Variants in CD99 observed in about 807,000 individuals in gnomAD.
The protein encoded by CD99 is CD99 antigen.
In CD99, 19 loss-of-function variants were observed where a neutral mutation model predicts 28.4. The ratio of observed to expected loss-of-function variants is 0.67; its 90% CI spans 0.47 to 0.98. CD99 has a LOEUF of 0.98. Ranked by LOEUF, CD99 falls within the 50% of genes least tolerant of loss-of-function variation. The pLI is 0.00. For missense variants in CD99, 283 were observed against 248.8 expected, an observed-to-expected ratio of 1.14 and a Z score of -0.92; for synonymous variants, 103 against 92.1, an observed-to-expected ratio of 1.12 and a Z score of -0.67.
In CD99 at chrX:2,722,479, T is replaced by C. The variant is rs1193324707; in HGVS notation, c.263-148T>C. ...GGGATTACATGTGCCTGTCACCACA[T>C]CCAGCTAATTTTTATATTCTTAGTG... On this transcript the variant is annotated intron_variant, in intron 5 of 9. Coordinates refer to ENST00000381192, the MANE Select transcript of CD99 (RefSeq NM_002414.5). The C allele has an allele frequency of 9.6e-6, 7 of 730,804 alleles. No individual in the cohort carries two copies. The African/African-American group carries it at 1.2e-4, about 13-fold the overall frequency. 45.3% of individuals were successfully genotyped at this position (730,804 alleles called of 1,614,324 possible). A position where few individuals can be genotyped will look rare whatever the true frequency, so the allele number is the denominator to read the frequency against.
intron 2 of CD99, 143 bp from the exon 3 acceptor site, chrX:2,717,462 T>A: frequency 1.5e-6 from 1 of 675,760 alleles, no homozygotes; most frequent in Non-Finnish European, 2.6e-6. Flanking sequence ...AAACCTCAGC[T>A]CGGTGTGGGC....
At chrX:2,714,637 T>C (rs1472040101) in intron 2 of CD99, 183 bp downstream of exon 2, 6 of 515,664 alleles carry the variant, frequency 1.2e-5, no homozygotes, top group African/African-American at 1.9e-5. Flanking sequence ...CTATTAAGTA[T>C]GCAATAGCAT....
chrX:2,728,926 G>A (rs1485133801), intron 8 of CD99, among the ~76,000 whole-genome samples: 4 of 129,874 alleles, frequency 3.1e-5, no homozygotes, highest in Non-Finnish European at 4.7e-5. Flanking sequence ...AACCTCGCGG[G>A]TTCAAGCAAT....
At chrX:2,736,127 T>G (rs1425700723) in intron 8 of CD99, among the ~76,000 whole-genome samples, 10 of 147,916 alleles carry the variant, frequency 6.8e-5, no homozygotes, top group African/African-American at 1.5e-4. Flanking sequence ...GCGTGAACCC[T>G]GGAGGCGGAG....
intron 7 of CD99, among the ~76,000 whole-genome samples, chrX:2,724,819 A>C (rs2049187129): frequency 6.7e-6 from 1 of 150,268 alleles, no homozygotes; most frequent in South Asian, 2.1e-4. Flanking sequence ...AATTGCTTGA[A>C]CCCGGGAAGC....
chrX:2,706,235 C>G (rs2048109486), intron 1 of CD99, among the ~76,000 whole-genome samples: 1 of 152,090 alleles, frequency 6.6e-6, no homozygotes, highest in Admixed American at 6.6e-5. Context: ...TGGTGGGCAC[C>G]TGTAGTCCCA....
At chrX:2,727,657 A>G (rs1431089521) in intron 8 of CD99, among the ~76,000 whole-genome samples, 1 of 152,022 alleles carries the variant, frequency 6.6e-6, no homozygotes, top group Non-Finnish European at 1.5e-5. Flanking sequence ...CTGTATTTTT[A>G]GTAGAGATGG....
chrX:2,706,167 G>C (rs1458259788), intron 1 of CD99, among the ~76,000 whole-genome samples: 1 of 151,964 alleles, frequency 6.6e-6, no homozygotes. Flanking sequence ...AGACCATCCT[G>C]GCTACCACGG....
intron 1 of CD99, among the ~76,000 whole-genome samples, chrX:2,711,130 C>A (rs1249766061): frequency 3.3e-5 from 5 of 150,336 alleles, no homozygotes; most frequent in Admixed American, 3.3e-4. Flanking sequence ...CTTGGCCTCC[C>A]AAAGTGCTGA....
intron 8 of CD99, among the ~76,000 whole-genome samples, chrX:2,732,671 C>T (rs773523469): frequency 1.8e-4 from 25 of 138,268 alleles, no homozygotes; most frequent in Admixed American, 1.6e-3. Flanking sequence ...TCTATCTCTT[C>T]CTTTCTTCCT....
intron 8 of CD99, among the ~76,000 whole-genome samples, chrX:2,731,685 A>T (rs2049616615): frequency 6.6e-6 from 1 of 152,154 alleles, no homozygotes; most frequent in Admixed American, 6.5e-5. Flanking sequence ...ATTGCATTGA[A>T]ATCTGTGGTG....
intron 1 of CD99, among the ~76,000 whole-genome samples, chrX:2,713,623 T>C (rs993423207): frequency 6.6e-6 from 1 of 152,246 alleles, no homozygotes; most frequent in African/African-American, 2.4e-5. Flanking sequence ...GCACCTGTTG[T>C]GGAACTGGAC....
chrX:2,730,199 G>C (rs1569447653), intron 8 of CD99, among the ~76,000 whole-genome samples: 1 of 148,974 alleles, frequency 6.7e-6, no homozygotes, highest in Admixed American at 6.7e-5. Flanking sequence ...TTGAGACGGA[G>C]TCTCACTCTG....
At chrX:2,694,461 C>G (rs1243256264) in intron 1 of CD99, among the ~76,000 whole-genome samples, 4 of 152,044 alleles carry the variant, frequency 2.6e-5, no homozygotes, top group Non-Finnish European at 5.9e-5. Context: ...ATTTAACTCC[C>G]TACTTTAGGC....
At chrX:2,691,789 G>A (rs1219566098) in intron 1 of CD99, 1 of 772,380 alleles carries the variant, frequency 1.3e-6, no homozygotes, top group African/African-American at 1.7e-5. Context: ...TACCCCCAGG[G>A]TTTGGGGACC....
At chrX:2,702,945 C>T (rs190462183) in intron 1 of CD99, among the ~76,000 whole-genome samples, 3 of 152,214 alleles carry the variant, frequency 2.0e-5, no homozygotes, top group Non-Finnish European at 2.9e-5. Context: ...ACAGCCACCA[C>T]GCCTGGCTAA....
intron 8 of CD99, among the ~76,000 whole-genome samples, chrX:2,727,648 T>C (rs2049363720): frequency 6.6e-6 from 1 of 152,098 alleles, no homozygotes; most frequent in Non-Finnish European, 1.5e-5. Flanking sequence ...GGCTAATTTC[T>C]GTATTTTTAG....
intron 7 of CD99, among the ~76,000 whole-genome samples, chrX:2,723,721 G>C (rs1415779750): frequency 6.6e-6 from 1 of 152,144 alleles, no homozygotes; most frequent in Non-Finnish European, 1.5e-5. Flanking sequence ...GGTTGCGCTT[G>C]GCCCTTGAGA....
chrX:2,711,015 C>A (rs930033334), intron 1 of CD99, among the ~76,000 whole-genome samples: 2 of 150,540 alleles, frequency 1.3e-5, no homozygotes, highest in Non-Finnish European at 3.0e-5. Flanking sequence ...GGATTACATG[C>A]GCATATCACC....
Sources: allele counts gnomAD v4.1 joint callset (sites outside exome capture counted in the v4.1 genomes callset), GRCh38; gene constraint gnomAD v4.1.1; transcripts MANE v1.5; gene names NCBI Gene and HGNC (gene_info 2026-07-23, HGNC 2026-07-21).